ACTN1: variants seen among roughly 807,000 people sequenced by gnomAD.
ACTN1 encodes actinin alpha 1, also known as alpha-actinin-1.
A neutral mutation model predicts 119.6 loss-of-function variants in ACTN1; 30 were observed. That is an observed-to-expected ratio of 0.25 (90% CI 0.19 to 0.34). ACTN1 has a LOEUF of 0.34. ACTN1 is among the 10% of genes least tolerant of loss of function. The pLI is 1.00. For missense variants in ACTN1, 764 were observed against 1,223.4 expected (o/e 0.62, Z 5.60); for synonymous variants, 429 against 472.6 (o/e 0.91, Z 1.20).
intron 1 of ACTN1, among the ~76,000 whole-genome samples, chr14:68,970,493 T>G (rs957504544): frequency 2.0e-5 from 3 of 152,204 alleles, no homozygotes; most frequent in African/African-American, 7.2e-5. Context: ...CAAAGCCTGT[T>G]TGGTTCCCGT....
At chr14:68,939,574 A>G (rs530222308) in intron 1 of ACTN1, among the ~76,000 whole-genome samples, 5 of 152,362 alleles carry the variant, frequency 3.3e-5, no homozygotes, top group South Asian at 2.1e-4. Flanking sequence ...GTTAAAACAC[A>G]AAAGCACCTA....
At chr14:68,976,958 C>T (rs1254552696) in intron 1 of ACTN1, among the ~76,000 whole-genome samples, 2 of 152,192 alleles carry the variant, frequency 1.3e-5, no homozygotes. Flanking sequence ...ATATTCTTCT[C>T]CCCACTGCGT....
At chr14:68,975,816 T>C (rs182951852) in intron 1 of ACTN1, among the ~76,000 whole-genome samples, 4 of 152,316 alleles carry the variant, frequency 2.6e-5, no homozygotes, top group African/African-American at 9.6e-5. Context: ...GAAGCATTCT[T>C]TGAAAGAGGG....
Position 68,885,382 on chromosome 14 carries a change from C to T in ACTN1, c.1385+43G>A. On this transcript the variant is annotated intron_variant, in intron 12 of 21. Transcript: ENST00000394419. This position sits in a 1 kb window ranked among gnomAD's most constrained non-coding sequence, Gnocchi z 5.6. ...CCCCCAGCAGCTGAGAAAGCCCAGC[C>T]TCAGCCCCTCACCACAGGGTAGGGG... is the stretch of plus-strand genomic sequence containing the variant. The T allele has an allele frequency of 6.4e-7, 1 of 1,570,450 alleles. No individual in the cohort carries two copies. The highest frequency in any genetic ancestry group is 8.7e-7 in the Non-Finnish European group (1 of 1,154,684).
rs149168564 is a variant in ACTN1, at chr14:68,902,516, G to A, written c.723C>T (p.Tyr241=). ...ARPDEKAIMT[Y]VSSFYHAFSG... ...AGAAGGCGTGGTAGAAGCTAGACAC[G>A]TAAGTCATGATGGCTTTCTCATCCG... The change falls in exon 8 of 22, where the codon TAC becomes TAT. Residue 241 remains tyrosine, a synonymous_variant. Coordinates refer to ENST00000394419, the MANE Select transcript of ACTN1 (RefSeq NM_001130004.2). 8.6e-5 allele frequency: 139 copies of A among 1,613,862 alleles called. No individual in the cohort carries two copies. Among genetic ancestry groups the A allele is most frequent in the Middle Eastern group, 6.6e-4 (4 of 6,062 alleles).
chr14:68,968,892 G>A (rs1298759361), intron 1 of ACTN1, among the ~76,000 whole-genome samples: 1 of 152,238 alleles, frequency 6.6e-6, no homozygotes, highest in African/African-American at 2.4e-5. Flanking sequence ...GCAGCGGGAC[G>A]CAGGGATGCT....
intron 11 of ACTN1, chr14:68,888,001 A>C (rs2032163624): frequency 7.9e-6 from 6 of 756,270 alleles, no homozygotes; most frequent in Non-Finnish European, 7.4e-6. Context: ...CTTTTGCAGG[A>C]GGTTTAACTG....
Position 68,883,598 on chromosome 14 carries a change from C to A in ACTN1, c.1636-543G>T, listed in dbSNP as rs190609173. 5.2e-3 allele frequency among the ~76,000 whole-genome samples: 785 copies of A among 152,104 alleles called. 13 individuals are homozygous for A. Among genetic ancestry groups the A allele is most frequent in the African/African-American group, 0.018 (745 of 41,498 alleles). Reference sequence around the variant, plus strand: ...ACCAGCCTGAGCAACAAAGAAAAAACCCCACTTCCACAAAAATAAAAATTA... The same window carrying A: ...ACCAGCCTGAGCAACAAAGAAAAAAACCCACTTCCACAAAAATAAAAATTA... On this transcript the variant is annotated intron_variant, in intron 14 of 21. Transcript: ENST00000394419.
Position 68,882,596 on chromosome 14 carries a change from G to C in ACTN1, c.1819-4C>G, listed in dbSNP as rs972368188. The C allele has an allele frequency of 1.9e-6, 3 of 1,613,996 alleles. No individual in the cohort carries two copies. The highest frequency in any genetic ancestry group is 2.5e-6 in the Non-Finnish European group (3 of 1,179,922). On this transcript the variant is annotated splice_polypyrimidine_tract_variant and splice_region_variant and intron_variant, in intron 15 of 21. Transcript: ENST00000394419. This position sits in a 1 kb window ranked among gnomAD's most constrained non-coding sequence, Gnocchi z 4.5. ...TCCGAGGCACCAGCTGCCGCACCTG[G>C]GGCAGGAACAACAAGGCGACTTTCA...
intron 1 of ACTN1, among the ~76,000 whole-genome samples, chr14:68,949,009 C>A (rs1438702470): frequency 6.6e-6 from 1 of 152,206 alleles, no homozygotes; most frequent in Non-Finnish European, 1.5e-5. Context: ...TGGGGCCCAA[C>A]TTGGTGAAAG....
chr14:68,909,817 C>T lies in ACTN1; in HGVS notation c.515+138G>A, dbSNP rs559970685. On this transcript the variant is annotated intron_variant, in intron 5 of 21. Coordinates refer to ENST00000394419, the MANE Select transcript of ACTN1 (RefSeq NM_001130004.2). This position sits in a 1 kb window ranked among gnomAD's most constrained non-coding sequence, Gnocchi z 4.1. ...GGATTCAGAGCGATGGCGACATCCC[C>T]TTCCCAAGGAAAGCTACTTCTTCCC... The T allele has an allele frequency of 4.3e-6, 3 of 702,384 alleles. No homozygotes were observed. The highest frequency in any genetic ancestry group is 7.3e-6 in the Non-Finnish European group (3 of 408,280). 43.5% of individuals were successfully genotyped at this position (702,384 alleles called of 1,614,324 possible). A position where few individuals can be genotyped will look rare whatever the true frequency, so the allele number is the denominator to read the frequency against.
At chr14:68,939,599 G>A (rs567476785) in intron 1 of ACTN1, among the ~76,000 whole-genome samples, 8 of 152,276 alleles carry the variant, frequency 5.3e-5, no homozygotes, top group South Asian at 2.1e-4. Flanking sequence ...GACCGAAAGC[G>A]GCTTGATTAG....
intron 3 of ACTN1, among the ~76,000 whole-genome samples, chr14:68,920,753 G>A (rs1337171956): frequency 6.6e-6 from 1 of 152,212 alleles, no homozygotes; most frequent in Non-Finnish European, 1.5e-5. Context: ...ACTCCACAGA[G>A]CAAGGACGTG....
intron 1 of ACTN1, among the ~76,000 whole-genome samples, chr14:68,941,337 G>T (rs1037783588): frequency 6.6e-6 from 1 of 152,196 alleles, no homozygotes; most frequent in Non-Finnish European, 1.5e-5. Flanking sequence ...GGGCCCCACC[G>T]CCAGTTTCTG....
intron 2 of ACTN1, among the ~76,000 whole-genome samples, chr14:68,924,643 CA>C (rs751043720): frequency 5.7e-4 from 87 of 152,320 alleles, no homozygotes; most frequent in Non-Finnish European, 1.2e-3. Context: ...GCTACAGTGA[CA>C]GGGGTGGACT....
At chr14:68,898,476 A>G (rs975496231) in intron 8 of ACTN1, among the ~76,000 whole-genome samples, 1 of 152,078 alleles carries the variant, frequency 6.6e-6, no homozygotes, top group Non-Finnish European at 1.5e-5. Context: ...TCCACCATAC[A>G]AGGTTGGGCG....
intron 7 of ACTN1, among the ~76,000 whole-genome samples, chr14:68,903,173 G>GCCATT (rs2033448543): frequency 6.6e-6 from 1 of 152,206 alleles, no homozygotes; most frequent in Non-Finnish European, 1.5e-5. Context: ...GACCTCAGTA[G>GCCATT]CCATTCTATC....
Position 68,885,699 on chromosome 14 carries a change from G to A in ACTN1, c.1235-124C>T, listed in dbSNP as rs190662382. The A allele has an allele frequency of 9.4e-5, 111 of 1,178,984 alleles. No homozygotes were observed. The African/African-American group carries it at 1.5e-3, about 16-fold the overall frequency. 73.0% of individuals were successfully genotyped at this position (1,178,984 alleles called of 1,614,324 possible). A position where few individuals can be genotyped will look rare whatever the true frequency, so the allele number is the denominator to read the frequency against. ...GGTGCTTCTCAAGGAGGTGCCCATT[G>A]TGCAGGGATCTGCAGGGTGCAAAAG... On this transcript the variant is annotated intron_variant, in intron 11 of 21. Transcript: ENST00000394419. This position sits in a 1 kb window ranked among gnomAD's most constrained non-coding sequence, Gnocchi z 5.6.
At chr14:68,945,211 G>A (rs1157176558) in intron 1 of ACTN1, among the ~76,000 whole-genome samples, 2 of 145,966 alleles carry the variant, frequency 1.4e-5, no homozygotes, top group Non-Finnish European at 3.0e-5. Flanking sequence ...AGAAGAAGAA[G>A]AAAACAAACA....
Sources: allele counts gnomAD v4.1 joint callset (sites outside exome capture counted in the v4.1 genomes callset), GRCh38; gene constraint gnomAD v4.1.1; non-coding constraint Gnocchi (gnomAD v3.1); transcripts MANE v1.5; gene names NCBI Gene and HGNC (gene_info 2026-07-23, HGNC 2026-07-21).